Variants in PHF21B observed in about 807,000 individuals in gnomAD.
The protein encoded by PHF21B is PHD finger protein 21B.
PHF21B carries 22 observed loss-of-function variants against 62.2 expected under a neutral mutation model. That is an observed-to-expected ratio of 0.35 (90% CI 0.25 to 0.51). PHF21B has a LOEUF of 0.51. Ranked by LOEUF, PHF21B falls within the 20% of genes least tolerant of loss-of-function variation. The pLI is 0.97. For missense variants in PHF21B, 701 were observed against 707.9 expected, an observed-to-expected ratio of 0.99 and a Z score of 0.11; for synonymous variants, 341 against 314.7, an observed-to-expected ratio of 1.08 and a Z score of -0.88.
chr22:44,929,422 C>T lies in PHF21B; in HGVS notation c.121-8932G>A, dbSNP rs1440175560. Among the ~76,000 whole-genome samples the T allele has an allele frequency of 3.9e-5, 6 of 152,326 alleles. 1 individual carries two copies. In the South Asian group the frequency reaches 1.2e-3, roughly 32 times the overall value. On this transcript the variant is annotated intron_variant, in intron 2 of 12. Transcript: ENST00000313237. Reference sequence around the variant, plus strand: ...ATCCAGGAGGGACCAGCAAGGGCCACGGCGAGTGCATGTGAAAATCCAGGC... The same window carrying T: ...ATCCAGGAGGGACCAGCAAGGGCCATGGCGAGTGCATGTGAAAATCCAGGC...
At chr22:44,936,501 C>T (rs1026731776) in intron 2 of PHF21B, among the ~76,000 whole-genome samples, 4 of 152,192 alleles carry the variant, frequency 2.6e-5, no homozygotes, top group Non-Finnish European at 4.4e-5. Context: ...CCTCGCTGCC[C>T]ACTCGAGACA....
intron 2 of PHF21B, among the ~76,000 whole-genome samples, chr22:44,982,805 G>A (rs1329205763): frequency 3.3e-5 from 5 of 152,112 alleles, no homozygotes; most frequent in Non-Finnish European, 7.4e-5. Flanking sequence ...TGTGTATTAC[G>A]GGAGCAGCAG....
intron 1 of PHF21B, chr22:45,008,937 G>C (rs1018019880): frequency 9.1e-7 from 1 of 1,104,822 alleles, no homozygotes; most frequent in Non-Finnish European, 1.1e-6. Context: ...GGGGGAGGGG[G>C]GAGGAACAAA....
At chr22:45,007,420 T>G (rs1201023920) in intron 2 of PHF21B, among the ~76,000 whole-genome samples, 3 of 129,072 alleles carry the variant, frequency 2.3e-5, no homozygotes, top group African/African-American at 2.9e-5. Flanking sequence ...CGGGCTGGGG[T>G]GGGAGCGCGG....
intron 2 of PHF21B, among the ~76,000 whole-genome samples, chr22:44,997,841 A>C (rs1403916833): frequency 6.6e-6 from 1 of 152,148 alleles, no homozygotes; most frequent in South Asian, 2.1e-4. Context: ...CGGCCTCCTC[A>C]GGGAGGTCCC....
chr22:44,891,479 T>G, intron 7 of PHF21B, 119 bp from the exon 8 acceptor site: 1 of 1,178,964 alleles, frequency 8.5e-7, no homozygotes. Context: ...CTCCAGGCTC[T>G]GGCTGGACAC....
chr22:44,983,619 A>T (rs1013610346), intron 2 of PHF21B, among the ~76,000 whole-genome samples: 1 of 152,190 alleles, frequency 6.6e-6, no homozygotes, highest in Non-Finnish European at 1.5e-5. Context: ...TGTATTTTTT[A>T]AAAGTATTTT....
intron 12 of PHF21B, 136 bp from the exon 13 acceptor site, chr22:44,883,440 A>T (rs3747224): frequency 2.7e-6 from 2 of 749,036 alleles, no homozygotes; most frequent in Non-Finnish European, 4.2e-6. Flanking sequence ...CACAAAAACC[A>T]GGCAGTGGTG....
chr22:44,940,840 AG>A (rs1194700305), intron 2 of PHF21B, among the ~76,000 whole-genome samples: 2 of 152,220 alleles, frequency 1.3e-5, no homozygotes, highest in Non-Finnish European at 2.9e-5. Flanking sequence ...AGATGGATAC[AG>A]GGGAAGGGTG....
chr22:44,938,765 G>A (rs1275091933), intron 2 of PHF21B, among the ~76,000 whole-genome samples: 3 of 152,190 alleles, frequency 2.0e-5, no homozygotes, highest in Admixed American at 2.0e-4. Context: ...ATCTCTAGGA[G>A]GAGACCCAGG....
At chr22:44,935,882 G>A (rs5766208) in intron 2 of PHF21B, among the ~76,000 whole-genome samples, 104,092 of 151,930 alleles carry the variant, frequency 0.69, 37,274 homozygotes, top group Non-Finnish European at 0.78. Context: ...TGCCCGCCTC[G>A]GGGAAGCTCC....
At chr22:44,911,811 A>T (rs2071348429) in intron 5 of PHF21B, among the ~76,000 whole-genome samples, 2 of 152,222 alleles carry the variant, frequency 1.3e-5, no homozygotes, top group Admixed American at 6.5e-5. Context: ...AGCTATGAGA[A>T]GAGGGCCACT....
At chr22:44,943,564 C>CG (rs1222048623) in intron 2 of PHF21B, among the ~76,000 whole-genome samples, 20 of 152,186 alleles carry the variant, frequency 1.3e-4, no homozygotes, top group African/African-American at 4.8e-4. Flanking sequence ...ACGCTTCCTC[C>CG]AGGCCCCGCG....
intron 2 of PHF21B, among the ~76,000 whole-genome samples, chr22:44,966,329 T>C (rs969127469): frequency 6.6e-6 from 1 of 152,218 alleles, no homozygotes; most frequent in Admixed American, 6.5e-5. Flanking sequence ...AGTCTGAACC[T>C]TGTCGGGTGC....
At chr22:44,968,180 T>G (rs2072566486) in intron 2 of PHF21B, among the ~76,000 whole-genome samples, 1 of 152,086 alleles carries the variant, frequency 6.6e-6, no homozygotes, top group South Asian at 2.1e-4. Flanking sequence ...TACCCCTCCC[T>G]CCTTGAGGGC....
At chr22:44,898,847 C>T (rs1029534404) in intron 5 of PHF21B, among the ~76,000 whole-genome samples, 1 of 152,200 alleles carries the variant, frequency 6.6e-6, no homozygotes, top group Non-Finnish European at 1.5e-5. Context: ...TCACTGCTTT[C>T]TGTATGGCTA....
At chr22:44,928,780 G>A (rs1033751581) in intron 2 of PHF21B, among the ~76,000 whole-genome samples, 5 of 152,196 alleles carry the variant, frequency 3.3e-5, no homozygotes, top group South Asian at 2.1e-4. Flanking sequence ...CTGCTTCCTC[G>A]CAGTGGGCCG....
At chr22:44,979,586 C>T (rs957344565) in intron 2 of PHF21B, among the ~76,000 whole-genome samples, 6 of 152,190 alleles carry the variant, frequency 3.9e-5, no homozygotes, top group South Asian at 2.1e-4. Flanking sequence ...TGCCCAGCGC[C>T]GTGGCAGCTG....
intron 2 of PHF21B, among the ~76,000 whole-genome samples, chr22:44,947,094 G>GTT (rs1424944329): frequency 6.6e-6 from 1 of 152,354 alleles, no homozygotes; most frequent in East Asian, 1.9e-4. Context: ...TTAAGCAAGT[G>GTT]GTCCAAGATC....
Sources: gnomAD v4.1 joint callset for allele counts (sites outside exome capture counted in the v4.1 genomes callset) on GRCh38, gnomAD v4.1.1 for gene constraint, MANE v1.5 for transcripts, NCBI Gene and HGNC (gene_info 2026-07-23, HGNC 2026-07-21) for gene names.